Variants in EIF2AK2 observed in about 807,000 individuals in gnomAD.
EIF2AK2 encodes the protein eukaryotic translation initiation factor 2 alpha kinase 2.
A neutral mutation model predicts 70.5 loss-of-function variants in EIF2AK2; 40 were observed. That is an observed-to-expected ratio of 0.57 (90% CI 0.44 to 0.74). EIF2AK2 has a LOEUF of 0.74. Among genes scored for constraint, EIF2AK2 ranks in the 30% least tolerant of loss-of-function variants. The pLI, the probability that EIF2AK2 is intolerant of heterozygous loss-of-function variation, is 0.00. For synonymous variants in EIF2AK2, 198 were observed against 220.9 expected (o/e 0.90, Z 0.92); for missense variants, 555 against 644.3 (o/e 0.86, Z 1.50).
chr2:37,116,953 T>C (rs944045563), intron 13 of EIF2AK2, among the ~76,000 whole-genome samples: 3 of 152,292 alleles, frequency 2.0e-5, no homozygotes, highest in East Asian at 1.9e-4. Flanking sequence ...GAGTCACACC[T>C]GTAATCCCAG....
At chr2:37,118,221 G>A (rs1674414704) in intron 13 of EIF2AK2, among the ~76,000 whole-genome samples, 2 of 152,086 alleles carry the variant, frequency 1.3e-5, no homozygotes, top group South Asian at 4.1e-4. Flanking sequence ...GGCTGAGGTG[G>A]GAGGACTGCT....
chr2:37,156,227 A>C (rs912342608), intron 1 of EIF2AK2, among the ~76,000 whole-genome samples: 28 of 152,194 alleles, frequency 1.8e-4, no homozygotes, highest in Non-Finnish European at 3.8e-4. Context: ...AGGAACAGCA[A>C]GGAAGCCAGC....
Position 37,138,545 on chromosome 2 carries a change from C to A in EIF2AK2, c.557G>T (p.Cys186Phe). The A allele has an allele frequency of 1.9e-6, 3 of 1,614,116 alleles. No individual in the cohort carries two copies. The highest frequency in any genetic ancestry group is 2.5e-6 in the Non-Finnish European group (3 of 1,180,006). ...CACTAAAGAGTTGCTTTGGGACTCA[C>A]ACGTAGTAGCAAAAGAACCAGAGGA... The part of the protein sequence containing the change: ...YLSSGSFATT[C>F]ESQSNSLVTS... The change falls in exon 7 of 17, where the codon TGT (cysteine) becomes TTT (phenylalanine). Residue 186 changes from cysteine (C) to phenylalanine (F), a missense_variant. Cys to Phe is a radical substitution (Grantham distance 205). Transcript: ENST00000233057.
At chr2:37,109,827 A>C (rs1674084319) in intron 14 of EIF2AK2, among the ~76,000 whole-genome samples, 1 of 152,194 alleles carries the variant, frequency 6.6e-6, no homozygotes, top group East Asian at 1.9e-4. Context: ...AAGAGTACCT[A>C]CTGTATGATT....
At chr2:37,124,731 CT>C (rs528735782) in intron 11 of EIF2AK2, among the ~76,000 whole-genome samples, 255 of 144,126 alleles carry the variant, frequency 1.8e-3, no homozygotes, top group Admixed American at 2.2e-3. Flanking sequence ...GAATAACATT[CT>C]TTTTTTTTTT....
chr2:37,132,877 T>C (rs760235527), intron 10 of EIF2AK2, among the ~76,000 whole-genome samples: 3 of 152,218 alleles, frequency 2.0e-5, no homozygotes, highest in Non-Finnish European at 4.4e-5. Context: ...GTTCGATTTC[T>C]TTTGGTTCTG....
chr2:37,126,451 T>C, intron 10 of EIF2AK2, 40 bp from the exon 11 acceptor site: 2 of 1,592,030 alleles, frequency 1.3e-6, no homozygotes, highest in Non-Finnish European at 1.7e-6. Context: ...CATTTCATGC[T>C]CAACCCCCAC....
chr2:37,118,354 G>C (rs1674419084), intron 13 of EIF2AK2, among the ~76,000 whole-genome samples: 1 of 152,020 alleles, frequency 6.6e-6, no homozygotes, highest in African/African-American at 2.4e-5. Context: ...GAATAATAAA[G>C]TCTGACCCTT....
At chr2:37,153,946 G>A (rs923058585) in intron 1 of EIF2AK2, among the ~76,000 whole-genome samples, 4 of 152,196 alleles carry the variant, frequency 2.6e-5, no homozygotes, top group African/African-American at 7.2e-5. Flanking sequence ...AGCAATGCAC[G>A]AGGGTTCTAA....
In EIF2AK2 at chr2:37,099,728, A is replaced by G. The variant is rs575064956; in HGVS notation, c.*7545T>C. 5 of 152,366 alleles carry G rather than the reference A, an allele frequency of 3.3e-5. No homozygotes were observed. The South Asian group carries it at 1.0e-3, about 32-fold the overall frequency. The allele number at this position is 152,366 out of a possible 1,614,324, so 9.4% of individuals were successfully genotyped here. On this transcript the variant is annotated 3_prime_UTR_variant, in exon 17 of 17. Coordinates refer to ENST00000233057, the MANE Select transcript of EIF2AK2 (RefSeq NM_001135651.3). Reference sequence around the variant, plus strand: ...ACAAAAGTTCATAGTAGCATTATTCATGGTAGCCAAAAAGTACAAACAACC... The same window carrying G: ...ACAAAAGTTCATAGTAGCATTATTCGTGGTAGCCAAAAAGTACAAACAACC...
At chr2:37,134,033 G>A (rs1018021353) in intron 10 of EIF2AK2, among the ~76,000 whole-genome samples, 11 of 152,108 alleles carry the variant, frequency 7.2e-5, no homozygotes, top group African/African-American at 2.7e-4. Context: ...CTCTTCCTTT[G>A]CTCCAGAATG....
intron 4 of EIF2AK2, among the ~76,000 whole-genome samples, chr2:37,144,444 G>T (rs1423297312): frequency 6.6e-6 from 1 of 151,996 alleles, no homozygotes; most frequent in African/African-American, 2.4e-5. Flanking sequence ...TGCTACAATA[G>T]GAGATGACAC....
In EIF2AK2 at chr2:37,100,583, A is replaced by G. The variant is rs1673803641; in HGVS notation, c.*6690T>C. ...CTATCAACTGTGATTCCCTTCATCTATGACTATTTTTAAGAAATGTAAGAT... is the reference window on the plus strand; with the variant it reads ...CTATCAACTGTGATTCCCTTCATCTGTGACTATTTTTAAGAAATGTAAGAT... On this transcript the variant is annotated 3_prime_UTR_variant, in exon 17 of 17. Coordinates refer to ENST00000233057, the MANE Select transcript of EIF2AK2 (RefSeq NM_001135651.3). The G allele has an allele frequency of 6.6e-6, 1 of 152,230 alleles. No individual in the cohort carries two copies. Among genetic ancestry groups the G allele is most frequent in the Non-Finnish European group, 1.5e-5 (1 of 68,034 alleles). The allele number at this position is 152,230 out of a possible 1,614,324, so 9.4% of individuals were successfully genotyped here.
rs1673797469 is a variant in EIF2AK2 at position 37,100,355 on chromosome 2, G to T, written c.*6918C>A. 1 of 152,182 alleles carries T rather than the reference G, an allele frequency of 6.6e-6. No individual in the cohort carries two copies. The highest frequency in any genetic ancestry group is 2.1e-4 in the South Asian group (1 of 4,832). 9.4% of individuals were successfully genotyped at this position (152,182 alleles called of 1,614,324 possible). A position where few individuals can be genotyped will look rare whatever the true frequency, so the allele number is the denominator to read the frequency against. Reference sequence around the variant, plus strand: ...AGACTTCTGGCCTCCAGAACAGAAAGAGAATAAATGTGTGTTGTTTTAAAC... The same window carrying T: ...AGACTTCTGGCCTCCAGAACAGAAATAGAATAAATGTGTGTTGTTTTAAAC... On this transcript the variant is annotated 3_prime_UTR_variant, in exon 17 of 17. Coordinates refer to ENST00000233057, the MANE Select transcript of EIF2AK2 (RefSeq NM_001135651.3).
At position 37,129,237 on chromosome 2, in the gene EIF2AK2, G is replaced by A. The variant is rs115232400; in HGVS notation, c.786-2826C>T. On this transcript the variant is annotated intron_variant, in intron 10 of 16. Coordinates refer to ENST00000233057, the MANE Select transcript of EIF2AK2 (RefSeq NM_001135651.3). The stretch of plus-strand genomic sequence containing the variant: ...TCTGCTGTCCAAAAGTCAGTTATAC[G>A]AAAGCCTCCTAATAACCCAAAGGGA... Among the ~76,000 whole-genome samples the A allele has an allele frequency of 9.8e-3, 1,490 of 152,136 alleles. 26 individuals carry two copies. The highest frequency in any genetic ancestry group is 0.034 in the African/African-American group (1,403 of 41,506).
At chr2:37,145,368 C>G (rs1675495019) in intron 4 of EIF2AK2, among the ~76,000 whole-genome samples, 1 of 152,124 alleles carries the variant, frequency 6.6e-6, no homozygotes, top group African/African-American at 2.4e-5. Flanking sequence ...ATCTTAAACT[C>G]CTGACCTCAG....
At chr2:37,148,253 A>G (rs1675623142) in intron 2 of EIF2AK2, among the ~76,000 whole-genome samples, 1 of 152,232 alleles carries the variant, frequency 6.6e-6, no homozygotes, top group South Asian at 2.1e-4. Flanking sequence ...TCCACTGAGT[A>G]TCAACTACAT....
In EIF2AK2 at chr2:37,119,973, GAATT is replaced by G. The variant is rs1334209335; in HGVS notation, c.1230_1233del (p.Leu410PhefsTer12). 1 of 1,450,838 alleles carries G rather than the reference GAATT, an allele frequency of 6.9e-7. No individual in the cohort carries two copies. The highest frequency in any genetic ancestry group is 9.2e-7 in the Non-Finnish European group (1 of 1,091,362). The allele number at this position is 1,450,838 out of a possible 1,614,324, so 89.9% of individuals were successfully genotyped here. A position where few individuals can be genotyped will look rare whatever the true frequency, so the allele number is the denominator to read the frequency against. ...TTTCCACTTACCTTAAGATCTCTATGAATTAATTTTTTTGAATGTATATAATCCA... is the reference window on the plus strand; with the variant it reads ...TTTCCACTTACCTTAAGATCTCTATGAATTTTTTTGAATGTATATAATCCA... On this transcript the variant is annotated frameshift_variant, in exon 13 of 17. Coordinates refer to ENST00000233057, the MANE Select transcript of EIF2AK2 (RefSeq NM_001135651.3). LOFTEE classifies it high-confidence loss of function.
chr2:37,145,101 T>A (rs1675481355), intron 4 of EIF2AK2, among the ~76,000 whole-genome samples: 2 of 151,678 alleles, frequency 1.3e-5, no homozygotes, highest in Non-Finnish European at 2.9e-5. Context: ...ACAAAATATT[T>A]TTGTACAGCC....
Sources: gnomAD v4.1 joint callset for allele counts (sites outside exome capture counted in the v4.1 genomes callset) on GRCh38, gnomAD v4.1.1 for gene constraint, MANE v1.5 for transcripts, NCBI Gene and HGNC (gene_info 2026-07-23, HGNC 2026-07-21) for gene names.